MTPN: variants seen among roughly 807,000 people sequenced by gnomAD.
MTPN encodes myotrophin.
A neutral mutation model predicts 13.5 loss-of-function variants in MTPN; 2 were observed. The ratio of observed to expected loss-of-function variants is 0.15; its 90% CI spans 0.06 to 0.47. The LOEUF is 0.47. MTPN is among the 20% of genes least tolerant of loss of function. MTPN has a pLI of 0.97. For missense variants in MTPN, 79 were observed against 137.9 expected, an observed-to-expected ratio of 0.57 and a Z score of 2.14; for synonymous variants, 46 against 51.7, an observed-to-expected ratio of 0.89 and a Z score of 0.48.
intron 1 of MTPN, among the ~76,000 whole-genome samples, chr7:135,973,421 A>G (rs7801598): frequency 0.47 from 71,007 of 150,578 alleles, 17,008 homozygotes; most frequent in East Asian, 0.6. Context: ...TCCAGTTTGG[A>G]CAAATGGTTG....
intron 2 of MTPN, 47 bp from the exon 3 acceptor site, chr7:135,950,729 C>T (rs766550285): frequency 4.2e-6 from 6 of 1,430,778 alleles, no homozygotes; most frequent in Non-Finnish European, 5.8e-6. Context: ...TTCATTTCTT[C>T]CTACTTTCTA....
chr7:135,930,878 C>G (rs987827873), intron 3 of MTPN, among the ~76,000 whole-genome samples: 1 of 152,102 alleles, frequency 6.6e-6, no homozygotes, highest in Non-Finnish European at 1.5e-5. Context: ...TATTTATTCA[C>G]CACACATTCT....
Position 135,926,838 on chromosome 7 carries a change from A to C in MTPN, c.*3088T>G, listed in dbSNP as rs1484029543. ...ACAGTATTATTTAGCATTCGGATGT[A>C]CATGAACTAGGATACTTATGAGAAA... On this transcript the variant is annotated 3_prime_UTR_variant, in exon 4 of 4. Transcript: ENST00000393085. 1 of 152,976 alleles carries C rather than the reference A, an allele frequency of 6.5e-6. No individual in the cohort carries two copies. Among genetic ancestry groups the C allele is most frequent in the South Asian group, 2.1e-4 (1 of 4,844 alleles). 9.5% of individuals were successfully genotyped at this position (152,976 alleles called of 1,614,324 possible).
At position 135,927,459 on chromosome 7, in the gene MTPN, A is replaced by G; in HGVS notation, c.*2467T>C. 1 of 1,521,894 alleles carries G rather than the reference A, an allele frequency of 6.6e-7. No individual in the cohort carries two copies. The highest frequency in any genetic ancestry group is 8.8e-7 in the Non-Finnish European group (1 of 1,132,584). The allele number at this position is 1,521,894 out of a possible 1,614,324, so 94.3% of individuals were successfully genotyped here. ...GAAATGACTGATTTAATACAAAACT[A>G]CAGAACATGCAAAATTTTTTCTGAG... On this transcript the variant is annotated 3_prime_UTR_variant, in exon 4 of 4. Coordinates refer to ENST00000393085, the MANE Select transcript of MTPN (RefSeq NM_145808.4).
In MTPN at chr7:135,929,142, GA is replaced by G. The variant is rs1397249605; in HGVS notation, c.*783del. On this transcript the variant is annotated 3_prime_UTR_variant, in exon 4 of 4. Coordinates refer to ENST00000393085, the MANE Select transcript of MTPN (RefSeq NM_145808.4). ...CCCCTTTTACTACCAGCAGGAGTTTGAAAGTGTTTCAATGCTATATAAATGT... is the reference window on the plus strand; with the variant it reads ...CCCCTTTTACTACCAGCAGGAGTTTGAAGTGTTTCAATGCTATATAAATGT... 1.2e-5 allele frequency: 2 copies of G among 166,956 alleles called. No individual in the cohort carries two copies. The allele number at this position is 166,956 out of a possible 1,614,324, so 10.3% of individuals were successfully genotyped here.
intron 1 of MTPN, among the ~76,000 whole-genome samples, chr7:135,959,462 C>CTA (rs1032710433): frequency 6.6e-5 from 10 of 152,210 alleles, no homozygotes; most frequent in Admixed American, 5.2e-4. Flanking sequence ...CTACTGAAAC[C>CTA]TATACATGGG....
At chr7:135,935,650 G>A (rs1421574387) in intron 3 of MTPN, among the ~76,000 whole-genome samples, 1 of 152,150 alleles carries the variant, frequency 6.6e-6, no homozygotes, top group Non-Finnish European at 1.5e-5. Context: ...GCATTCTCAC[G>A]AAATAGAATA....
At chr7:135,976,858 T>A (rs1799781763) in intron 1 of MTPN, among the ~76,000 whole-genome samples, 171 bp downstream of exon 1, 1 of 151,998 alleles carries the variant, frequency 6.6e-6, no homozygotes, top group African/African-American at 2.4e-5. Context: ...CCTGGACCCT[T>A]CTTTCAGTTT....
chr7:135,973,760 A>G (rs1584823429), intron 1 of MTPN, among the ~76,000 whole-genome samples: 1 of 152,352 alleles, frequency 6.6e-6, no homozygotes, highest in East Asian at 1.9e-4. Flanking sequence ...TAATTTGCAT[A>G]CTACTATAAA....
intron 3 of MTPN, among the ~76,000 whole-genome samples, chr7:135,946,337 A>G (rs1374514691): frequency 6.6e-6 from 1 of 152,204 alleles, no homozygotes; most frequent in Non-Finnish European, 1.5e-5. Context: ...AAGTGCTAGC[A>G]TAGTCTAATA....
In MTPN at chr7:135,927,422, T is replaced by A. The variant is rs1199363475; in HGVS notation, c.*2504A>T. The A allele has an allele frequency of 6.5e-7, 1 of 1,542,786 alleles. No homozygotes were observed. Among genetic ancestry groups the A allele is most frequent in the Admixed American group, 2.1e-5 (1 of 48,722 alleles). ...AGGTAAACTACCTGTTTGTACTTGA[T>A]ATAGTGCATATGAAATGACTGATTT... On this transcript the variant is annotated 3_prime_UTR_variant, in exon 4 of 4. Coordinates refer to ENST00000393085, the MANE Select transcript of MTPN (RefSeq NM_145808.4).
intron 1 of MTPN, among the ~76,000 whole-genome samples, chr7:135,953,819 G>A (rs1249970356): frequency 6.6e-6 from 1 of 152,070 alleles, no homozygotes; most frequent in Non-Finnish European, 1.5e-5. Flanking sequence ...AATATTAGAT[G>A]ATAAAACAAT....
At position 135,929,976 on chromosome 7, in the gene MTPN, T is replaced by A. The variant is rs1172363710; in HGVS notation, c.307A>T (p.Thr103Ser). The change falls in exon 4 of 4, where the codon ACC (threonine) becomes TCC (serine). Residue 103 changes from threonine to serine, a missense_variant. Physicochemically the swap from Thr to Ser is moderately conservative, Grantham distance 58. Transcript: ENST00000393085. ...DKTVKGPDGL[T>S]AFEATDNQAI... ...TGGTTGTCAGTGGCTTCAAAGGCGG[T>A]CAGTCCATCTGGGCCTTTCACAGTC... is the stretch of plus-strand genomic sequence containing the variant. 1 of 1,613,292 alleles carries A rather than the reference T, an allele frequency of 6.2e-7. No homozygotes were observed. The highest frequency in any genetic ancestry group is 1.3e-5 in the African/African-American group (1 of 74,978).
At chr7:135,976,943 C>G in intron 1 of MTPN, 86 bp downstream of exon 1, 1 of 498,460 alleles carries the variant, frequency 2.0e-6, no homozygotes, top group Non-Finnish European at 4.1e-6. Context: ...CCACCCCCAT[C>G]CCCGCAGTCC....
intron 3 of MTPN, among the ~76,000 whole-genome samples, chr7:135,939,742 G>A (rs1377987380): frequency 6.6e-6 from 1 of 152,002 alleles, no homozygotes; most frequent in East Asian, 1.9e-4. Context: ...CCTTTCTTAG[G>A]GAACTTACCA....
rs1271061983 is a variant in MTPN, at chr7:135,929,771, T to TC, written c.*154dup. The stretch of plus-strand genomic sequence containing the variant: ...CCCTCCTCCAAAACAATTTTTTTTT[T>TC]CTGGTAGTCGGATTTGTTATGAATT... On this transcript the variant is annotated 3_prime_UTR_variant, in exon 4 of 4. Coordinates refer to ENST00000393085, the MANE Select transcript of MTPN (RefSeq NM_145808.4). 2.8e-6 allele frequency: 2 copies of TC among 716,304 alleles called. No individual in the cohort carries two copies. Among genetic ancestry groups the TC allele is most frequent in the Non-Finnish European group, 4.7e-6 (2 of 424,620 alleles). 44.4% of individuals were successfully genotyped at this position (716,304 alleles called of 1,614,324 possible).
chr7:135,930,707 A>C (rs1209444295), intron 3 of MTPN, among the ~76,000 whole-genome samples: 1 of 152,122 alleles, frequency 6.6e-6, no homozygotes, highest in African/African-American at 2.4e-5. Flanking sequence ...TCTGGATGAA[A>C]GCTCCATGGG....
chr7:135,964,061 T>C (rs1052112699), intron 1 of MTPN, among the ~76,000 whole-genome samples: 1 of 151,892 alleles, frequency 6.6e-6, no homozygotes, highest in African/African-American at 2.4e-5. Context: ...ATATGTCAAT[T>C]TGGAAAAAAT....
chr7:135,973,909 T>G (rs1049666459), intron 1 of MTPN, among the ~76,000 whole-genome samples: 3 of 152,174 alleles, frequency 2.0e-5, no homozygotes, highest in African/African-American at 7.2e-5. Flanking sequence ...AATGAATGAA[T>G]TAACTAAATG....
Sources: allele counts gnomAD v4.1 joint callset (sites outside exome capture counted in the v4.1 genomes callset), GRCh38; gene constraint gnomAD v4.1.1; transcripts MANE v1.5; gene names NCBI Gene and HGNC (gene_info 2026-07-23, HGNC 2026-07-21).